DNAH5: variants seen among roughly 807,000 people sequenced by gnomAD.
DNAH5 encodes the protein axonemal beta dynein heavy chain 5.
Under a neutral mutation model 518.2 loss-of-function variants are expected in DNAH5, and 372 were observed. That is an observed-to-expected ratio of 0.72 (90% CI 0.66 to 0.78). DNAH5 has a LOEUF of 0.78. DNAH5 is among the 30% of genes least tolerant of loss of function. The pLI, the probability that DNAH5 is intolerant of heterozygous loss-of-function variation, is 0.00. For synonymous variants in DNAH5, 2,039 were observed against 2,025.9 expected, an observed-to-expected ratio of 1.01 and a Z score of -0.17; for missense variants, 5,523 against 5,687.0, an observed-to-expected ratio of 0.97 and a Z score of 0.93.
intron 1 of DNAH5, among the ~76,000 whole-genome samples, chr5:13,959,516 C>T (rs971206246): frequency 6.6e-5 from 10 of 152,214 alleles, no homozygotes; most frequent in African/African-American, 1.9e-4. Context: ...GGTCCCTTTT[C>T]GGACCAGCCC....
At position 13,830,129 on chromosome 5, in the gene DNAH5, A is replaced by C; in HGVS notation, c.6146T>G (p.Ile2049Ser). The change falls in exon 37 of 79, where the codon ATT becomes AGT. Residue 2049 changes from isoleucine to serine, a missense_variant. By Grantham distance (142) the Ile-to-Ser change is moderately radical (BLOSUM62 -2). Around this residue, in one of 3 missense-constraint regions of DNAH5, gnomAD observed 5,121 missense variants for 5,223.3 expected, o/e 0.98. Coordinates refer to ENST00000265104, the MANE Select transcript of DNAH5 (RefSeq NM_001369.3). ...LPVLSVAAQQ[I>S]SIILTCKKEH... ...CTTTTTACATGTCAGAATAATGGAA[A>C]TTTGCTGGGCTGCAACCGAGAGAAC... 1 of 1,614,092 alleles carries C rather than the reference A, an allele frequency of 6.2e-7. No homozygotes were observed.
At chr5:13,902,461 T>G (rs1303082870) in intron 12 of DNAH5, among the ~76,000 whole-genome samples, 2 of 152,088 alleles carry the variant, frequency 1.3e-5, no homozygotes, top group Non-Finnish European at 2.9e-5. Context: ...ACAGAGCCTG[T>G]GGAAAGCAGG....
At chr5:13,961,774 C>A (rs1781204754) in intron 1 of DNAH5, among the ~76,000 whole-genome samples, 1 of 152,174 alleles carries the variant, frequency 6.6e-6, no homozygotes, top group South Asian at 2.1e-4. Flanking sequence ...CCCCATTCCT[C>A]CTACTAATCC....
chr5:13,746,156 T>C (rs545191071), intron 65 of DNAH5, among the ~76,000 whole-genome samples: 1 of 152,254 alleles, frequency 6.6e-6, no homozygotes, highest in Non-Finnish European at 1.5e-5. Flanking sequence ...CAAACTTCTC[T>C]GTTAAAAAGC....
chr5:13,734,690 C>T (rs201503008), intron 68 of DNAH5, among the ~76,000 whole-genome samples: 1 of 152,100 alleles, frequency 6.6e-6, no homozygotes, highest in Non-Finnish European at 1.5e-5. Context: ...TGCCCACCTA[C>T]CGATCTCTTA....
intron 1 of DNAH5, among the ~76,000 whole-genome samples, chr5:13,980,784 A>G (rs1173361910): frequency 6.6e-6 from 1 of 151,936 alleles, no homozygotes; most frequent in African/African-American, 2.4e-5. Context: ...CAATCATCCC[A>G]ATACCTCTCC....
At chr5:13,963,132 A>C (rs1394793400) in intron 1 of DNAH5, among the ~76,000 whole-genome samples, 1 of 152,106 alleles carries the variant, frequency 6.6e-6, no homozygotes, top group Non-Finnish European at 1.5e-5. Flanking sequence ...AACAATCATA[A>C]AAAGCCATAT....
chr5:13,750,862 T>G (rs1750112905), intron 65 of DNAH5, among the ~76,000 whole-genome samples: 1 of 152,136 alleles, frequency 6.6e-6, no homozygotes, highest in Non-Finnish European at 1.5e-5. Context: ...ATCGATGACA[T>G]ACGTAATTTA....
At chr5:13,892,427 T>C (rs545486563) in intron 16 of DNAH5, among the ~76,000 whole-genome samples, 12 of 152,352 alleles carry the variant, frequency 7.9e-5, no homozygotes, top group Admixed American at 2.6e-4. Context: ...CTCTCTTAAA[T>C]GCATGATGCA....
chr5:13,711,156 A>T (rs554322939), intron 75 of DNAH5, among the ~76,000 whole-genome samples: 3 of 152,206 alleles, frequency 2.0e-5, no homozygotes, highest in Non-Finnish European at 4.4e-5. Flanking sequence ...ACATATCAAA[A>T]AGATAACCCA....
intron 35 of DNAH5, among the ~76,000 whole-genome samples, chr5:13,837,231 A>G (rs975939247): frequency 2.6e-5 from 4 of 152,232 alleles, no homozygotes; most frequent in Admixed American, 6.5e-5. Context: ...CAGCAATACA[A>G]AGTTAGCAGA....
At chr5:13,847,876 G>C (rs1766258715) in intron 31 of DNAH5, among the ~76,000 whole-genome samples, 1 of 152,126 alleles carries the variant, frequency 6.6e-6, no homozygotes, top group Non-Finnish European at 1.5e-5. Flanking sequence ...CAGTTCCTCG[G>C]CAAGTGTTTT....
intron 43 of DNAH5, 141 bp downstream of exon 43, chr5:13,814,464 G>T: frequency 2.5e-6 from 2 of 806,366 alleles, no homozygotes; most frequent in Non-Finnish European, 4.1e-6. Flanking sequence ...GAATGTCCCA[G>T]TGCATTCAAG....
Position 13,817,535 on chromosome 5 carries a change from AT to A in DNAH5, c.6988+12del. 1 of 1,613,322 alleles carries A rather than the reference AT, an allele frequency of 6.2e-7. No homozygotes were observed. The highest frequency in any genetic ancestry group is 1.1e-5 in the South Asian group (1 of 91,058). On this transcript the variant is annotated intron_variant, in intron 42 of 78. Transcript: ENST00000265104. ...AGTATAATCAAAAATAATCCTTGTAATTTATCTTCTACCTTTCTTTGCTCTT... is the reference window on the plus strand; with the variant it reads ...AGTATAATCAAAAATAATCCTTGTAATTATCTTCTACCTTTCTTTGCTCTT...
At position 13,944,446 on chromosome 5, in the gene DNAH5, G is replaced by T. The variant is rs199528866; in HGVS notation, c.-8C>A. The T allele has an allele frequency of 1.1e-4, 182 of 1,612,446 alleles. 1 individual carries two copies. In the East Asian group the frequency reaches 3.9e-3, roughly 35 times the overall value. ...CCTCCCAATCCTAAACATTGTAGCC[G>T]TGCATGGACAGGCTGGAGTCAGCTC... On this transcript the variant is annotated 5_prime_UTR_variant, in exon 1 of 79. Transcript: ENST00000265104.
At chr5:13,919,450 T>G in intron 6 of DNAH5, 98 bp from the exon 7 acceptor site, 2 of 1,444,918 alleles carry the variant, frequency 1.4e-6, no homozygotes, top group Non-Finnish European at 1.9e-6. Flanking sequence ...AATTATCCTA[T>G]CTGGATCATG....
At chr5:13,972,518 G>A (rs140737655) in intron 1 of DNAH5, among the ~76,000 whole-genome samples, 2,805 of 152,204 alleles carry the variant, frequency 0.018, 79 homozygotes, top group African/African-American at 0.061. Context: ...GACTCTTCCC[G>A]CTGCTTCCTC....
intron 35 of DNAH5, among the ~76,000 whole-genome samples, chr5:13,832,016 C>T (rs1274537545): frequency 3.3e-5 from 5 of 152,040 alleles, no homozygotes; most frequent in South Asian, 2.1e-4. Context: ...CCACTCTATC[C>T]GGGAAAGAAA....
chr5:13,744,737 G>A (rs1235527203), intron 65 of DNAH5, among the ~76,000 whole-genome samples: 1 of 152,026 alleles, frequency 6.6e-6, no homozygotes, highest in African/African-American at 2.4e-5. Context: ...AGAAGCAAAT[G>A]AAAACTAAAC....
Sources: allele counts gnomAD v4.1 joint callset (sites outside exome capture counted in the v4.1 genomes callset), GRCh38; gene constraint gnomAD v4.1.1; regional missense constraint gnomAD v4.1.1; transcripts MANE v1.5; gene names NCBI Gene and HGNC (gene_info 2026-07-23, HGNC 2026-07-21).